The following FBXL2 variants were observed in gnomAD, a reference collection of about 807,000 sequenced individuals.
FBXL2 encodes the protein F-box and leucine rich repeat protein 2.
A neutral mutation model predicts 69.2 loss-of-function variants in FBXL2; 38 were observed. The ratio of observed to expected loss-of-function variants is 0.55; its 90% CI spans 0.42 to 0.72. The LOEUF is 0.72. Ranked by LOEUF, FBXL2 falls within the 30% of genes least tolerant of loss-of-function variation. The pLI is 0.00. For missense variants in FBXL2, 354 were observed against 520.3 expected (o/e 0.68, Z 3.11); for synonymous variants, 192 against 201.3 (o/e 0.95, Z 0.39).
chr3:33,297,644 C>CT lies in FBXL2; in HGVS notation c.4-9dup, dbSNP rs374976671. 0.051 allele frequency: 51,737 copies of CT among 1,016,750 alleles called. No homozygotes were observed. Among genetic ancestry groups the CT allele is most frequent in the South Asian group, 0.055 (2,842 of 51,390 alleles). The allele number at this position is 1,016,750 out of a possible 1,614,324, so 63.0% of individuals were successfully genotyped here. On this transcript the variant is annotated intron_variant, in intron 1 of 14. Transcript: ENST00000484457. ...GATTAAAGAACATTTTCACAATTTC[C>CT]TTTTTTTTTTTCTTTCCAGGTTTTC...
In FBXL2 at chr3:33,373,912, G is replaced by A. The variant is rs761150203; in HGVS notation, c.648G>A (p.Gln216=). ...YCHELVSLNL[Q]SCSRITDEGV... ...ATGAGCTTGTGAGCCTCAACTTGCA[G>A]TCCTGCTCAGTAAGTAGCGTGCCTT... The change falls in exon 9 of 15, where the codon CAG becomes CAA. Residue 216 remains glutamine, a synonymous_variant. Transcript: ENST00000484457. 1.9e-6 allele frequency: 3 copies of A among 1,614,072 alleles called. No individual in the cohort carries two copies. Among genetic ancestry groups the A allele is most frequent in the Non-Finnish European group, 2.5e-6 (3 of 1,180,024 alleles).
intron 2 of FBXL2, among the ~76,000 whole-genome samples, chr3:33,328,043 TA>T (rs1340279873): frequency 6.6e-6 from 1 of 151,052 alleles, no homozygotes; most frequent in Non-Finnish European, 1.5e-5. Flanking sequence ...CAGTAGCATT[TA>T]TATATGCCAG....
intron 12 of FBXL2, among the ~76,000 whole-genome samples, chr3:33,402,051 A>G (rs1445102197): frequency 2.6e-5 from 4 of 152,242 alleles, no homozygotes. Flanking sequence ...AGACCTTGTC[A>G]GCATGACCGG....
In FBXL2 at chr3:33,375,296, G is replaced by C; in HGVS notation, c.666G>C (p.Thr222=). 1 of 1,613,696 alleles carries C rather than the reference G, an allele frequency of 6.2e-7. No homozygotes were observed. Among genetic ancestry groups the C allele is most frequent in the Non-Finnish European group, 8.5e-7 (1 of 1,179,620 alleles). The stretch of plus-strand genomic sequence containing the variant: ...GTGCTGCTTTTCCTCAGCGTATCAC[G>C]GATGAAGGTGTGGTGCAGATATGCA... ...SLNLQSCSRI[T]DEGVVQICRG... is the part of the protein sequence containing the mutation. Residue 222 remains threonine (T), a synonymous_variant, in exon 10 of 15, where the codon ACG becomes ACC. Transcript: ENST00000484457.
At chr3:33,303,233 G>A (rs910384759) in intron 2 of FBXL2, 9 of 452,260 alleles carry the variant, frequency 2.0e-5, no homozygotes, top group Admixed American at 4.7e-5. Flanking sequence ...CCTCTTTGCC[G>A]AAGAGTTTTT....
rs371644578 is a variant in FBXL2 at position 33,338,444 on chromosome 3, T to C, written c.66-20523T>C. Among the ~76,000 whole-genome samples, 7 of 151,116 alleles carry C rather than the reference T, an allele frequency of 4.6e-5. No homozygotes were observed. In the South Asian group the frequency reaches 1.5e-3, roughly 32 times the overall value. ...AATAATAAATAAAATCCATATGGAA[T>C]GAAAAAAAAAGTCTGAGTAGCCAAA... is the stretch of plus-strand genomic sequence containing the variant. On this transcript the variant is annotated intron_variant, in intron 2 of 14. Transcript: ENST00000484457.
chr3:33,342,854 C>T (rs538532306), intron 2 of FBXL2, among the ~76,000 whole-genome samples: 20 of 144,620 alleles, frequency 1.4e-4, no homozygotes, highest in African/African-American at 4.8e-4. Context: ...TCCCGAGTAG[C>T]GTAGCTGGGA....
At chr3:33,309,494 A>T (rs2037001485) in intron 2 of FBXL2, among the ~76,000 whole-genome samples, 1 of 152,040 alleles carries the variant, frequency 6.6e-6, no homozygotes, top group African/African-American at 2.4e-5. Context: ...GTCTATGTGT[A>T]TTCTTGCAGA....
chr3:33,290,904 G>A (rs2035158326), intron 1 of FBXL2, among the ~76,000 whole-genome samples: 1 of 151,704 alleles, frequency 6.6e-6, no homozygotes, highest in Non-Finnish European at 1.5e-5. Flanking sequence ...CACCTTGTCA[G>A]AAACAGTGCA....
chr3:33,410,388 C>G, the FBXL2 span, among the ~76,000 whole-genome samples: 1 of 144,872 alleles, frequency 6.9e-6, no homozygotes. Context: ...TCTTGTATCA[C>G]TTTGATTTAC....
At chr3:33,319,374 C>T (rs1230642365) in intron 2 of FBXL2, among the ~76,000 whole-genome samples, 1 of 152,012 alleles carries the variant, frequency 6.6e-6, no homozygotes, top group African/African-American at 2.4e-5. Context: ...AGTAATTCAT[C>T]AAGTGGATGT....
At chr3:33,375,640 CTTTAA>C (rs1458267796) in intron 10 of FBXL2, among the ~76,000 whole-genome samples, 5 of 152,078 alleles carry the variant, frequency 3.3e-5, no homozygotes, top group African/African-American at 1.2e-4. Context: ...TGAATCCAAA[CTTTAA>C]TTTCTTAATG....
intron 2 of FBXL2, among the ~76,000 whole-genome samples, chr3:33,344,262 A>G (rs917729373): frequency 2.0e-5 from 3 of 152,076 alleles, no homozygotes; most frequent in Non-Finnish European, 4.4e-5. Context: ...AAGACTCAAC[A>G]CTGTAAAAAT....
At chr3:33,422,161 T>C in the FBXL2 span, among the ~76,000 whole-genome samples, 1 of 152,240 alleles carries the variant, frequency 6.6e-6, no homozygotes, top group Non-Finnish European at 1.5e-5. Context: ...AAGCTTCTAT[T>C]ATTCAGTAGA....
chr3:33,420,488 CTTT>C, the FBXL2 span, among the ~76,000 whole-genome samples: 2 of 120,610 alleles, frequency 1.7e-5, no homozygotes, highest in South Asian at 2.7e-4. Flanking sequence ...ACCATACTGG[CTTT>C]TTTTTTTTTT....
chr3:33,277,566 G>T, intron 1 of FBXL2, 51 bp downstream of exon 1: 1 of 1,256,662 alleles, frequency 8.0e-7, no homozygotes. Context: ...CCCCTACCGG[G>T]CTGGGTCCGC....
chr3:33,405,494 G>A (rs2044394905), downstream of FBXL2, among the ~76,000 whole-genome samples: 1 of 152,184 alleles, frequency 6.6e-6, no homozygotes, highest in Non-Finnish European at 1.5e-5. Flanking sequence ...AAAACTTTCA[G>A]ATGTCAATCT....
chr3:33,347,737 CGTT>C (rs776871118), intron 2 of FBXL2, among the ~76,000 whole-genome samples: 27 of 152,120 alleles, frequency 1.8e-4, no homozygotes, highest in Admixed American at 9.8e-4. Context: ...AATGATATCT[CGTT>C]GTATTTTGAT....
At chr3:33,393,242 T>C (rs969285840) in intron 12 of FBXL2, 3 of 1,428,942 alleles carry the variant, frequency 2.1e-6, no homozygotes, top group African/African-American at 2.9e-5. Context: ...AGAATTTTTC[T>C]ACAGTTCTAC....
Sources: gnomAD v4.1 joint callset for allele counts (sites outside exome capture counted in the v4.1 genomes callset) on GRCh38, gnomAD v4.1.1 for gene constraint, MANE v1.5 for transcripts, NCBI Gene and HGNC (gene_info 2026-07-23, HGNC 2026-07-21) for gene names.